The following NKAIN3 variants were observed in gnomAD, a reference collection of about 807,000 sequenced individuals.
The protein encoded by NKAIN3 is sodium/potassium transporting ATPase interacting 3.
NKAIN3 carries 25 observed loss-of-function variants against 30.2 expected under a neutral mutation model. The ratio of observed to expected loss-of-function variants is 0.83; its 90% CI spans 0.60 to 1.16. The LOEUF is 1.16. NKAIN3 is among the 50% of genes most tolerant of loss of function. The pLI is 0.00. For missense variants in NKAIN3, 225 were observed against 254.1 expected, an observed-to-expected ratio of 0.89 and a Z score of 0.78; for synonymous variants, 91 against 89.6, an observed-to-expected ratio of 1.02 and a Z score of -0.09.
intron 1 of NKAIN3, among the ~76,000 whole-genome samples, chr8:62,558,185 T>C (rs1809467603): frequency 6.6e-6 from 1 of 152,116 alleles, no homozygotes; most frequent in African/African-American, 2.4e-5. Flanking sequence ...CACTTTATGC[T>C]GTTGTTTGCT....
At chr8:62,489,578 A>G (rs1329162647) in intron 1 of NKAIN3, among the ~76,000 whole-genome samples, 1 of 152,208 alleles carries the variant, frequency 6.6e-6, no homozygotes, top group Non-Finnish European at 1.5e-5. Flanking sequence ...CACTATAGAT[A>G]GGTTTTAAGG....
rs186053410 is a variant in NKAIN3 at position 62,436,251 on chromosome 8, A to C, written c.55-143288A>C. Among the ~76,000 whole-genome samples the C allele has an allele frequency of 3.9e-5, 6 of 152,294 alleles. No homozygotes were observed. The East Asian group carries it at 1.2e-3, about 29-fold the overall frequency. On this transcript the variant is annotated intron_variant, in intron 1 of 6. Transcript: ENST00000623646. ...AGTGCCAACAATAGTTCTTTAAATA[A>C]GTCTTCTTCCACTTGTATTTTACCG...
At chr8:62,487,219 A>C (rs1806929746) in intron 1 of NKAIN3, among the ~76,000 whole-genome samples, 4 of 152,218 alleles carry the variant, frequency 2.6e-5, no homozygotes, top group Admixed American at 1.3e-4. Context: ...GATGAGCTTG[A>C]GATTGTAAAG....
chr8:62,728,044 A>G (rs1815315415), intron 3 of NKAIN3, among the ~76,000 whole-genome samples: 1 of 152,212 alleles, frequency 6.6e-6, no homozygotes, highest in Non-Finnish European at 1.5e-5. Flanking sequence ...GATAAAGGCA[A>G]TATAATGGAA....
At chr8:62,642,949 T>C (rs1586041677) in intron 3 of NKAIN3, among the ~76,000 whole-genome samples, 1 of 152,160 alleles carries the variant, frequency 6.6e-6, no homozygotes, top group African/African-American at 2.4e-5. Flanking sequence ...ATCTGAAATT[T>C]ATATATTATT....
chr8:62,681,618 CAG>C (rs1299280711), intron 3 of NKAIN3, among the ~76,000 whole-genome samples: 1 of 152,062 alleles, frequency 6.6e-6, no homozygotes, highest in Non-Finnish European at 1.5e-5. Context: ...ACTTTCAAAA[CAG>C]AGTGTTAGAA....
intron 3 of NKAIN3, among the ~76,000 whole-genome samples, chr8:62,706,889 G>A (rs531215711): frequency 6.6e-6 from 1 of 151,872 alleles, no homozygotes. Flanking sequence ...ATATGCCTTT[G>A]CATCCTCATA....
Position 62,964,031 on chromosome 8 carries a change from G to A in NKAIN3, c.604-1323G>A, listed in dbSNP as rs770886973. 8.5e-5 allele frequency among the ~76,000 whole-genome samples: 13 copies of A among 152,260 alleles called. No individual in the cohort carries two copies. The East Asian group carries it at 1.4e-3, about 16-fold the overall frequency. The stretch of plus-strand genomic sequence containing the variant: ...TGTGGTTATGAAGTGAGTGTGAAAC[G>A]CAGTCTGTTGGAATGATGCTTATAA... On this transcript the variant is annotated intron_variant, in intron 6 of 6. Coordinates refer to ENST00000623646, the MANE Select transcript of NKAIN3 (RefSeq NM_001304533.3).
intron 1 of NKAIN3, among the ~76,000 whole-genome samples, chr8:62,374,493 T>C (rs1428776929): frequency 6.6e-6 from 1 of 152,210 alleles, no homozygotes; most frequent in Non-Finnish European, 1.5e-5. Flanking sequence ...AATGGTTTGT[T>C]AGCTTTAATC....
intron 4 of NKAIN3, chr8:62,863,918 G>A: frequency 8.2e-7 from 1 of 1,224,514 alleles, no homozygotes; most frequent in Non-Finnish European, 1.2e-6. Flanking sequence ...TCCTCCTTTG[G>A]CTCTGGTGGT....
intron 5 of NKAIN3, among the ~76,000 whole-genome samples, chr8:62,945,028 T>A (rs535067103): frequency 1.3e-5 from 2 of 152,310 alleles, no homozygotes; most frequent in Admixed American, 6.5e-5. Flanking sequence ...AAGTATTTTT[T>A]AAGACCTGCT....
chr8:62,561,093 T>A (rs1166808001), intron 1 of NKAIN3, among the ~76,000 whole-genome samples: 3 of 152,164 alleles, frequency 2.0e-5, no homozygotes, highest in African/African-American at 7.2e-5. Context: ...CCTGCTCCTT[T>A]GGCTAAAGAG....
intron 4 of NKAIN3, among the ~76,000 whole-genome samples, chr8:62,800,972 C>T (rs1173601937): frequency 6.6e-6 from 1 of 152,226 alleles, no homozygotes; most frequent in Non-Finnish European, 1.5e-5. Flanking sequence ...ATATCCTGCA[C>T]CTGGCTCGGA....
rs1382949042 is a variant in NKAIN3, at chr8:62,966,088, C to T, written c.*681C>T. ...AAGAGTAAAAGGATTAGTAGAACCC[C>T]TTTCCCCTTTGGAGGGAATATGGGT... On this transcript the variant is annotated 3_prime_UTR_variant, in exon 7 of 7. Transcript: ENST00000623646. The T allele has an allele frequency of 1.0e-6, 1 of 983,020 alleles. No homozygotes were observed. Among genetic ancestry groups the T allele is most frequent in the Non-Finnish European group, 1.2e-6 (1 of 827,816 alleles). The allele number at this position is 983,020 out of a possible 1,614,324, so 60.9% of individuals were successfully genotyped here.
intron 4 of NKAIN3, among the ~76,000 whole-genome samples, chr8:62,792,342 CA>C (rs1471335903): frequency 6.6e-6 from 1 of 152,036 alleles, no homozygotes; most frequent in Non-Finnish European, 1.5e-5. Context: ...TCAGAGAGTC[CA>C]TTCCAAACCA....
intron 4 of NKAIN3, among the ~76,000 whole-genome samples, chr8:62,781,775 T>C (rs532818774): frequency 3.3e-5 from 5 of 151,138 alleles, no homozygotes; most frequent in Non-Finnish European, 7.4e-5. Context: ...CAACTCAAGA[T>C]GGATTAAAGA....
At chr8:62,319,860 G>A (rs1585674804) in intron 1 of NKAIN3, among the ~76,000 whole-genome samples, 4 of 152,248 alleles carry the variant, frequency 2.6e-5, no homozygotes, top group African/African-American at 9.6e-5. Context: ...GCTTGGTGCT[G>A]AGCTGAGTTC....
chr8:62,634,255 A>G (rs1812057820), intron 3 of NKAIN3, among the ~76,000 whole-genome samples: 1 of 152,118 alleles, frequency 6.6e-6, no homozygotes, highest in African/African-American at 2.4e-5. Flanking sequence ...TCATCTGGAC[A>G]ATGAGATACT....
intron 1 of NKAIN3, among the ~76,000 whole-genome samples, chr8:62,375,777 A>G (rs1817060415): frequency 6.6e-6 from 1 of 152,196 alleles, no homozygotes; most frequent in African/African-American, 2.4e-5. Flanking sequence ...ATGTACTCCT[A>G]AAACTCTAAT....
Sources: gnomAD v4.1 joint callset for allele counts (sites outside exome capture counted in the v4.1 genomes callset) on GRCh38, gnomAD v4.1.1 for gene constraint, MANE v1.5 for transcripts, NCBI Gene and HGNC (gene_info 2026-07-23, HGNC 2026-07-21) for gene names.